Variants in RPS6KC1 observed in about 807,000 individuals in gnomAD.
RPS6KC1 encodes the protein inactive ribosomal protein S6 kinase delta-1.
RPS6KC1 carries 54 observed loss-of-function variants against 103.8 expected under a neutral mutation model. The ratio of observed to expected loss-of-function variants is 0.52; its 90% CI spans 0.42 to 0.65. The LOEUF (loss-of-function observed/expected upper bound fraction) is 0.65, where lower values mean the gene tolerates loss of function less well. Ranked by LOEUF, RPS6KC1 falls within the 30% of genes least tolerant of loss-of-function variation. RPS6KC1 has a pLI of 0.00. For synonymous variants in RPS6KC1, 439 were observed against 438.7 expected (o/e 1.00, Z -0.01); for missense variants, 1,151 against 1,253.8 (o/e 0.92, Z 1.24).
chr1:213,835,314 G>T, the RPS6KC1 span, among the ~76,000 whole-genome samples: 2 of 152,204 alleles, frequency 1.3e-5, no homozygotes, highest in Admixed American at 1.3e-4. Context: ...CCTGATCACA[G>T]GGAGCTCTGT....
the RPS6KC1 span, among the ~76,000 whole-genome samples, chr1:213,344,091 C>A: frequency 6.6e-6 from 1 of 151,982 alleles, no homozygotes; most frequent in African/African-American, 2.4e-5. Flanking sequence ...AACAAACAAA[C>A]AAAACCTTCA....
At chr1:213,111,240 A>T (rs1055216273) in intron 4 of RPS6KC1, among the ~76,000 whole-genome samples, 1 of 152,074 alleles carries the variant, frequency 6.6e-6, no homozygotes, top group Non-Finnish European at 1.5e-5. Flanking sequence ...TGGGGAAAGC[A>T]TTTGCTGGAT....
At chr1:213,602,146 CTTTCTT>C in the RPS6KC1 span, among the ~76,000 whole-genome samples, 23 of 74,894 alleles carry the variant, frequency 3.1e-4, no homozygotes, top group Admixed American at 6.5e-4. Flanking sequence ...TTCTTTCTTT[CTTTCTT>C]TCTTTCTTTC....
the RPS6KC1 span, among the ~76,000 whole-genome samples, chr1:213,759,233 T>A: frequency 6.6e-6 from 1 of 152,102 alleles, no homozygotes; most frequent in Admixed American, 6.6e-5. Flanking sequence ...AGTTTTTTTT[T>A]ATCAGTAAAG....
chr1:213,536,514 CA>C, the RPS6KC1 span, among the ~76,000 whole-genome samples: 6,188 of 152,238 alleles, frequency 0.041, 236 homozygotes, highest in Non-Finnish European at 0.051. Context: ...GTGCCTAGGA[CA>C]ACACCTGGGG....
At chr1:213,311,141 A>ATTTT in the RPS6KC1 span, among the ~76,000 whole-genome samples, 3 of 138,616 alleles carry the variant, frequency 2.2e-5, no homozygotes, top group African/African-American at 7.9e-5. Flanking sequence ...TAATTTAGGC[A>ATTTT]TTTTTTTTTT....
chr1:213,587,540 C>G, the RPS6KC1 span, among the ~76,000 whole-genome samples: 3 of 152,276 alleles, frequency 2.0e-5, no homozygotes, highest in Admixed American at 1.3e-4. Context: ...TGGGCCTAAC[C>G]TAATGCTTTG....
chr1:213,344,491 T>A, the RPS6KC1 span, among the ~76,000 whole-genome samples: 2 of 152,150 alleles, frequency 1.3e-5, no homozygotes, highest in African/African-American at 4.8e-5. Flanking sequence ...CTTTTTCTCA[T>A]GGTACTTAGC....
the RPS6KC1 span, among the ~76,000 whole-genome samples, chr1:213,646,827 A>G: frequency 1.3e-5 from 2 of 151,942 alleles, no homozygotes; most frequent in African/African-American, 2.4e-5. Context: ...CCTGGTTATA[A>G]AAAGTGACTC....
the RPS6KC1 span, among the ~76,000 whole-genome samples, chr1:213,610,969 T>C: frequency 6.6e-6 from 1 of 152,180 alleles, no homozygotes; most frequent in African/African-American, 2.4e-5. Context: ...CTATTTCTGA[T>C]AATTTTTTTG....
At chr1:213,244,094 A>AT (rs903649814) in intron 12 of RPS6KC1, among the ~76,000 whole-genome samples, 13 of 150,738 alleles carry the variant, frequency 8.6e-5, no homozygotes, top group South Asian at 2.1e-4. Context: ...GCACACTTAC[A>AT]TTTTTTTTTC....
intron 6 of RPS6KC1, among the ~76,000 whole-genome samples, chr1:213,140,431 G>A (rs1206029735): frequency 6.6e-6 from 1 of 152,074 alleles, no homozygotes; most frequent in Non-Finnish European, 1.5e-5. Flanking sequence ...CAAGGGGAAT[G>A]CTTCCAGCAT....
At chr1:213,415,893 G>A in the RPS6KC1 span, among the ~76,000 whole-genome samples, 2 of 152,220 alleles carry the variant, frequency 1.3e-5, no homozygotes, top group Non-Finnish European at 2.9e-5. Flanking sequence ...AGTTTAACTC[G>A]GCAGATGACA....
the RPS6KC1 span, among the ~76,000 whole-genome samples, chr1:213,769,025 C>T: frequency 6.6e-6 from 1 of 152,178 alleles, no homozygotes; most frequent in Non-Finnish European, 1.5e-5. Flanking sequence ...CGGCAGGGAC[C>T]TGCTTCCTTC....
At chr1:213,784,717 C>T in the RPS6KC1 span, among the ~76,000 whole-genome samples, 3 of 152,232 alleles carry the variant, frequency 2.0e-5, no homozygotes, top group African/African-American at 4.8e-5. Flanking sequence ...AACTGGATGG[C>T]GCTTTTCACT....
the RPS6KC1 span, among the ~76,000 whole-genome samples, chr1:213,355,914 A>G: frequency 1.1e-3 from 166 of 152,348 alleles, 1 homozygote; most frequent in African/African-American, 3.9e-3. Context: ...TTATTTAACC[A>G]TCTTCTGCCT....
chr1:213,309,144 A>C, the RPS6KC1 span, among the ~76,000 whole-genome samples: 2 of 152,010 alleles, frequency 1.3e-5, no homozygotes, highest in African/African-American at 2.4e-5. Flanking sequence ...AAAATACAAA[A>C]ATTAGCCGGG....
chr1:213,410,671 G>C, the RPS6KC1 span, among the ~76,000 whole-genome samples: 1 of 152,116 alleles, frequency 6.6e-6, no homozygotes, highest in Non-Finnish European at 1.5e-5. Flanking sequence ...TCCCAGTTCA[G>C]ACTTTAAGTC....
chr1:213,742,855 C>A, the RPS6KC1 span, among the ~76,000 whole-genome samples: 1 of 152,194 alleles, frequency 6.6e-6, no homozygotes, highest in Admixed American at 6.5e-5. Context: ...TGAAGCCAGG[C>A]CACTGTTATT....
Sources: allele counts gnomAD v4.1 joint callset (sites outside exome capture counted in the v4.1 genomes callset), GRCh38; gene constraint gnomAD v4.1.1; transcripts MANE v1.5; gene names NCBI Gene and HGNC (gene_info 2026-07-23, HGNC 2026-07-21).